The following BTRC variants were observed in gnomAD, a reference collection of about 807,000 sequenced individuals.
The protein encoded by BTRC is beta-transducin repeat containing E3 ubiquitin protein ligase, also known as F-box/WD repeat-containing protein 1A.
Under a neutral mutation model 85.5 loss-of-function variants are expected in BTRC, and 42 were observed. The observed-to-expected ratio is 0.49, with a 90% CI of 0.38 to 0.64. The LOEUF (loss-of-function observed/expected upper bound fraction) is 0.64. Ranked by LOEUF, BTRC falls within the 30% of genes least tolerant of loss-of-function variation. The pLI, the probability that BTRC is intolerant of heterozygous loss-of-function variation, is 0.00. For synonymous variants in BTRC, 255 were observed against 263.3 expected (o/e 0.97, Z 0.30); for missense variants, 594 against 743.5 (o/e 0.80, Z 2.34).
chr10:101,513,994 A>G (rs2061990525), intron 4 of BTRC, among the ~76,000 whole-genome samples: 1 of 152,164 alleles, frequency 6.6e-6, no homozygotes, highest in Non-Finnish European at 1.5e-5. Flanking sequence ...TAATGTCTTG[A>G]TATTTTAATT....
chr10:101,488,569 T>G (rs1421765545), intron 4 of BTRC, among the ~76,000 whole-genome samples: 1 of 152,196 alleles, frequency 6.6e-6, no homozygotes, highest in Non-Finnish European at 1.5e-5. Context: ...CAAATCAGCT[T>G]CTGTTTCCTA....
At chr10:101,466,358 T>A (rs1375858398) in intron 3 of BTRC, among the ~76,000 whole-genome samples, 1 of 152,206 alleles carries the variant, frequency 6.6e-6, no homozygotes, top group Non-Finnish European at 1.5e-5. Context: ...TTCTTTCTCT[T>A]GTGTAGCTGG....
chr10:101,358,387 G>A (rs1213680528), intron 1 of BTRC, among the ~76,000 whole-genome samples: 1 of 152,126 alleles, frequency 6.6e-6, no homozygotes, highest in South Asian at 2.1e-4. Flanking sequence ...ACAGGCGTGA[G>A]CCACCTTGCC....
chr10:101,447,334 G>A (rs116755494), intron 2 of BTRC, among the ~76,000 whole-genome samples: 70 of 152,136 alleles, frequency 4.6e-4, no homozygotes, highest in African/African-American at 1.7e-3. Context: ...TTTAGAAATG[G>A]CCATGTTTTC....
intron 4 of BTRC, among the ~76,000 whole-genome samples, chr10:101,507,646 G>A (rs992799492): frequency 1.3e-5 from 2 of 152,136 alleles, no homozygotes; most frequent in Non-Finnish European, 2.9e-5. Flanking sequence ...GTGCTGTCAT[G>A]GAAGATTTTT....
intron 9 of BTRC, among the ~76,000 whole-genome samples, chr10:101,533,689 A>C (rs2062335729): frequency 6.6e-6 from 1 of 152,204 alleles, no homozygotes; most frequent in Admixed American, 6.5e-5. Context: ...AACATAATGC[A>C]TCAAAAGTAA....
intron 1 of BTRC, among the ~76,000 whole-genome samples, chr10:101,370,885 G>A (rs952265149): frequency 3.9e-5 from 6 of 152,030 alleles, no homozygotes; most frequent in Admixed American, 3.9e-4. Context: ...GGGCCAAGAT[G>A]TTGATTTTAT....
At chr10:101,547,634 C>T (rs775568005) in intron 13 of BTRC, among the ~76,000 whole-genome samples, 3 of 152,112 alleles carry the variant, frequency 2.0e-5, no homozygotes, top group Non-Finnish European at 4.4e-5. Flanking sequence ...CCACTGCACC[C>T]GGCCATGTAT....
chr10:101,424,335 T>C (rs1409950015), intron 1 of BTRC, among the ~76,000 whole-genome samples: 1 of 152,206 alleles, frequency 6.6e-6, no homozygotes, highest in East Asian at 1.9e-4. Flanking sequence ...GTTTTGTTTT[T>C]GGAGTGAACT....
At chr10:101,539,335 G>A (rs1308738026) in intron 13 of BTRC, among the ~76,000 whole-genome samples, 1 of 152,158 alleles carries the variant, frequency 6.6e-6, no homozygotes, top group Admixed American at 6.5e-5. Flanking sequence ...AAAGATGAGA[G>A]CAAGCATTTG....
intron 5 of BTRC, 117 bp downstream of exon 5, chr10:101,521,987 C>T (rs1419690106): frequency 1.7e-5 from 5 of 289,174 alleles, no homozygotes; most frequent in African/African-American, 3.0e-5. Context: ...AAATTAAGTT[C>T]CTTAACTGTA....
chr10:101,406,934 A>AATCATCTGTCCTG (rs199507010), intron 1 of BTRC, among the ~76,000 whole-genome samples: 1 of 152,216 alleles, frequency 6.6e-6, no homozygotes, highest in African/African-American at 2.4e-5. Context: ...TTTTTAAATT[A>AATCATCTGTCCTG]ATCATCTGTC....
intron 1 of BTRC, among the ~76,000 whole-genome samples, chr10:101,395,602 A>G (rs1564746193): frequency 6.6e-6 from 1 of 152,130 alleles, no homozygotes; most frequent in Non-Finnish European, 1.5e-5. Context: ...ATAACAGTGG[A>G]TTTTTTTCTT....
intron 1 of BTRC, among the ~76,000 whole-genome samples, chr10:101,415,493 TATGTTATG>T: frequency 2.0e-4 from 1 of 5,024 alleles, no homozygotes; most frequent in Admixed American, 1.8e-3. Flanking sequence ...TATTTTATGT[TATGTTATG>T]TTATGTTATG....
intron 1 of BTRC, among the ~76,000 whole-genome samples, chr10:101,426,712 A>G (rs924294527): frequency 3.9e-5 from 6 of 152,200 alleles, no homozygotes; most frequent in African/African-American, 1.4e-4. Context: ...AGCCTTAAAA[A>G]CTTACCAAGG....
intron 1 of BTRC, among the ~76,000 whole-genome samples, chr10:101,418,683 T>C (rs1435093102): frequency 6.6e-6 from 1 of 151,916 alleles, no homozygotes. Context: ...TGCTGTATAA[T>C]TGGCAAACAA....
At chr10:101,396,470 G>A (rs976022877) in intron 1 of BTRC, among the ~76,000 whole-genome samples, 2 of 149,746 alleles carry the variant, frequency 1.3e-5, no homozygotes, top group Non-Finnish European at 3.0e-5. Flanking sequence ...GGTCTCGAGC[G>A]AGGTAAAGAT....
intron 1 of BTRC, among the ~76,000 whole-genome samples, chr10:101,388,531 C>T (rs1417745713): frequency 2.0e-5 from 3 of 151,472 alleles, no homozygotes; most frequent in Non-Finnish European, 2.9e-5. Flanking sequence ...ATTCTGTTGC[C>T]CAGGCTGGAG....
intron 2 of BTRC, among the ~76,000 whole-genome samples, chr10:101,452,908 G>T (rs1049493982): frequency 3.3e-5 from 5 of 152,116 alleles, no homozygotes; most frequent in African/African-American, 7.2e-5. Context: ...ATGAGTCCTT[G>T]AATAGGATTT....
Sources: gnomAD v4.1 joint callset for allele counts (sites outside exome capture counted in the v4.1 genomes callset) on GRCh38, gnomAD v4.1.1 for gene constraint, MANE v1.5 for transcripts, NCBI Gene and HGNC (gene_info 2026-07-23, HGNC 2026-07-21) for gene names.